The following AGPS variants were observed in gnomAD, a reference collection of about 807,000 sequenced individuals.
AGPS encodes alkylglycerone phosphate synthase.
Under a neutral mutation model 90.7 loss-of-function variants are expected in AGPS, and 26 were observed. That is an observed-to-expected ratio of 0.29 (90% CI 0.21 to 0.40). The LOEUF (loss-of-function observed/expected upper bound fraction) is 0.40, where lower values mean the gene tolerates loss of function less well. AGPS is among the 10% of genes least tolerant of loss of function. The probability of loss-of-function intolerance (pLI) is 1.00; values close to 1 mark genes in which losing one functional copy is unlikely to be tolerated. For synonymous variants in AGPS, 294 were observed against 285.3 expected (o/e 1.03, Z -0.31); for missense variants, 540 against 816.1 (o/e 0.66, Z 4.12).
chr2:177,437,498 T>C (rs1252131466), intron 5 of AGPS, among the ~76,000 whole-genome samples: 1 of 152,190 alleles, frequency 6.6e-6, no homozygotes, highest in Non-Finnish European at 1.5e-5. Flanking sequence ...CATGCTATGT[T>C]TAAAATGAAT....
intron 17 of AGPS, among the ~76,000 whole-genome samples, chr2:177,520,934 T>C (rs1451278933): frequency 6.6e-6 from 1 of 152,240 alleles, no homozygotes; most frequent in African/African-American, 2.4e-5. Flanking sequence ...AAAATTCTGA[T>C]ACAATGTATA....
chr2:177,418,864 C>G (rs12996447), intron 1 of AGPS, among the ~76,000 whole-genome samples: 4 of 151,392 alleles, frequency 2.6e-5, no homozygotes, highest in African/African-American at 9.7e-5. Context: ...TGATGTTTCT[C>G]CATAGAGATT....
At chr2:177,439,445 T>C (rs1410777409) in intron 5 of AGPS, among the ~76,000 whole-genome samples, 1 of 152,190 alleles carries the variant, frequency 6.6e-6, no homozygotes, top group Admixed American at 6.5e-5. Flanking sequence ...TTTGCCTTGT[T>C]GAAGATTTTT....
intron 2 of AGPS, 129 bp downstream of exon 2, chr2:177,420,487 C>T (rs1276889245): frequency 1.3e-5 from 9 of 698,832 alleles, no homozygotes; most frequent in African/African-American, 1.8e-5. Context: ...GCCATAACTG[C>T]TTTTTGTCTC....
intron 1 of AGPS, among the ~76,000 whole-genome samples, chr2:177,408,405 T>C (rs1559033752): frequency 6.6e-6 from 1 of 152,232 alleles, no homozygotes; most frequent in Admixed American, 6.5e-5. Context: ...TTTAAGACTT[T>C]TATAAACATA....
chr2:177,515,832 A>G (rs1055528190), intron 17 of AGPS, among the ~76,000 whole-genome samples: 2 of 152,166 alleles, frequency 1.3e-5, no homozygotes, highest in Admixed American at 6.5e-5. Flanking sequence ...TGCAAAGCCT[A>G]GTTACTTGAG....
intron 1 of AGPS, among the ~76,000 whole-genome samples, chr2:177,395,900 T>C (rs573840145): frequency 1.3e-5 from 2 of 152,260 alleles, no homozygotes; most frequent in South Asian, 4.1e-4. Context: ...TCAACATTTA[T>C]AGAGTAGTTG....
At chr2:177,394,933 C>T (rs1218538460) in intron 1 of AGPS, among the ~76,000 whole-genome samples, 3 of 151,988 alleles carry the variant, frequency 2.0e-5, no homozygotes, top group African/African-American at 7.3e-5. Flanking sequence ...TGAACTAAGG[C>T]ATATTATTGG....
chr2:177,416,504 G>A (rs1053807440), intron 1 of AGPS, among the ~76,000 whole-genome samples: 1 of 151,640 alleles, frequency 6.6e-6, no homozygotes, highest in Non-Finnish European at 1.5e-5. Flanking sequence ...CTATTCTTTC[G>A]GCAGGAGGAG....
At chr2:177,474,828 G>A (rs1379564580) in intron 10 of AGPS, among the ~76,000 whole-genome samples, 2 of 152,150 alleles carry the variant, frequency 1.3e-5, no homozygotes, top group East Asian at 3.8e-4. Flanking sequence ...CATTTAAGTG[G>A]TGTCCAATTT....
At chr2:177,482,791 AT>A (rs35991309) in intron 11 of AGPS, among the ~76,000 whole-genome samples, 3 of 151,938 alleles carry the variant, frequency 2.0e-5, no homozygotes, top group Non-Finnish European at 4.4e-5. Context: ...TATTATTAAG[AT>A]TTTTTTTAAG....
chr2:177,403,848 A>C (rs1685394655), intron 1 of AGPS, among the ~76,000 whole-genome samples: 1 of 152,170 alleles, frequency 6.6e-6, no homozygotes, highest in Admixed American at 6.5e-5. Context: ...TGTAGGTACC[A>C]TTTATCTGAT....
chr2:177,519,407 C>A (rs906418879), intron 17 of AGPS, among the ~76,000 whole-genome samples: 10 of 152,156 alleles, frequency 6.6e-5, no homozygotes, highest in African/African-American at 2.4e-4. Flanking sequence ...TTTTAAGCTG[C>A]ATAAGCTAAT....
intron 9 of AGPS, among the ~76,000 whole-genome samples, chr2:177,465,512 C>G (rs968744092): frequency 3.3e-5 from 5 of 152,170 alleles, no homozygotes; most frequent in Admixed American, 1.3e-4. Context: ...GGTCTGGATC[C>G]CATGCTTGCC....
At chr2:177,510,386 A>G (rs1485266382) in intron 16 of AGPS, among the ~76,000 whole-genome samples, 1 of 152,168 alleles carries the variant, frequency 6.6e-6, no homozygotes, top group Non-Finnish European at 1.5e-5. Context: ...CCACCTTCTA[A>G]TACCATCTAA....
intron 18 of AGPS, among the ~76,000 whole-genome samples, chr2:177,522,372 A>T (rs1345138): frequency 0.85 from 128,631 of 152,108 alleles, 54,596 homozygotes; most frequent in East Asian, 0.98. Flanking sequence ...GCTATTGCTT[A>T]ATTTAAAGTA....
At chr2:177,480,705 A>G (rs1457703970) in intron 10 of AGPS, among the ~76,000 whole-genome samples, 1 of 152,030 alleles carries the variant, frequency 6.6e-6, no homozygotes, top group East Asian at 1.9e-4. Flanking sequence ...GTGCACATGT[A>G]CCCTAGAACT....
chr2:177,444,534 TTTAA>T (rs1284849830), intron 7 of AGPS, among the ~76,000 whole-genome samples: 2 of 152,174 alleles, frequency 1.3e-5, no homozygotes, highest in African/African-American at 4.8e-5. Flanking sequence ...CATCATCTTA[TTTAA>T]TGTTTTTCAC....
At chr2:177,518,497 GT>G (rs1689087690) in intron 17 of AGPS, among the ~76,000 whole-genome samples, 2 of 152,126 alleles carry the variant, frequency 1.3e-5, no homozygotes, top group African/African-American at 4.8e-5. Context: ...CAAATATCCT[GT>G]TTCTTATATC....
Sources: gnomAD v4.1 joint callset for allele counts (sites outside exome capture counted in the v4.1 genomes callset) on GRCh38, gnomAD v4.1.1 for gene constraint, MANE v1.5 for transcripts, NCBI Gene and HGNC (gene_info 2026-07-23, HGNC 2026-07-21) for gene names.